SNTG1: variants seen among roughly 807,000 people sequenced by gnomAD.
The protein encoded by SNTG1 is gamma-1-syntrophin.
In SNTG1, 39 loss-of-function variants were observed where a neutral mutation model predicts 74.7. The observed-to-expected ratio is 0.52, with a 90% CI of 0.40 to 0.68. The LOEUF (loss-of-function observed/expected upper bound fraction) is 0.68, where lower values mean the gene tolerates loss of function less well. Among genes scored for constraint, SNTG1 ranks in the 30% least tolerant of loss-of-function variants. SNTG1 has a pLI of 0.00. For missense variants in SNTG1, 685 were observed against 609.5 expected, an observed-to-expected ratio of 1.12 and a Z score of -1.30; for synonymous variants, 254 against 217.1, an observed-to-expected ratio of 1.17 and a Z score of -1.49.
At chr8:50,548,616 G>T (rs146380575) in intron 11 of SNTG1, among the ~76,000 whole-genome samples, 1 of 129,918 alleles carries the variant, frequency 7.7e-6, no homozygotes, top group Non-Finnish European at 1.5e-5. Flanking sequence ...CCTTCAAGGA[G>T]CTAGCAGCTT....
intron 1 of SNTG1, among the ~76,000 whole-genome samples, chr8:49,932,611 C>T (rs911284347): frequency 1.5e-4 from 23 of 151,466 alleles, no homozygotes; most frequent in Non-Finnish European, 1.6e-4. Context: ...TTTTAAAATA[C>T]ATTGAGATAT....
In SNTG1 at chr8:49,995,192, A is replaced by T. The variant is rs531204098; in HGVS notation, c.-103+82961A>T. ...ATCCTGAACTCTGGTGAAGAGTTCA[A>T]CATTAAGATTGGCAAGGCCACTCAA... On this transcript the variant is annotated intron_variant, in intron 1 of 18. Coordinates refer to ENST00000642720, the MANE Select transcript of SNTG1 (RefSeq NM_018967.5). Among the ~76,000 whole-genome samples, 303 of 152,324 alleles carry T rather than the reference A, an allele frequency of 2.0e-3. 3 individuals are homozygous for T. Among genetic ancestry groups the T allele is most frequent in the African/African-American group, 7.0e-3 (290 of 41,576 alleles).
At chr8:49,921,134 A>T (rs912533557) in intron 1 of SNTG1, among the ~76,000 whole-genome samples, 1 of 152,140 alleles carries the variant, frequency 6.6e-6, no homozygotes, top group Non-Finnish European at 1.5e-5. Flanking sequence ...TGCTAAAGCT[A>T]TGAAAATTTA....
intron 1 of SNTG1, among the ~76,000 whole-genome samples, chr8:50,069,574 T>C (rs1821180282): frequency 7.2e-6 from 1 of 137,984 alleles, no homozygotes; most frequent in Non-Finnish European, 1.5e-5. Context: ...GGCAGTGAGA[T>C]TGGGAGGAAT....
intron 9 of SNTG1, among the ~76,000 whole-genome samples, chr8:50,513,558 C>T (rs902205060): frequency 6.6e-6 from 1 of 152,232 alleles, no homozygotes; most frequent in Non-Finnish European, 1.5e-5. Context: ...CTGCGGTGGG[C>T]TCCACCCAGT....
chr8:49,976,197 T>G (rs974725737), intron 1 of SNTG1, among the ~76,000 whole-genome samples: 1 of 152,164 alleles, frequency 6.6e-6, no homozygotes, highest in African/African-American at 2.4e-5. Flanking sequence ...AAGCAAGGCC[T>G]GATGTGAAGG....
chr8:50,542,717 A>G (rs1478961837), intron 11 of SNTG1, among the ~76,000 whole-genome samples: 1 of 152,194 alleles, frequency 6.6e-6, no homozygotes, highest in African/African-American at 2.4e-5. Context: ...CCAACAGTGC[A>G]TAAGGATTCC....
intron 11 of SNTG1, among the ~76,000 whole-genome samples, chr8:50,549,402 CAAGT>C (rs1310736261): frequency 6.6e-6 from 1 of 152,052 alleles, no homozygotes; most frequent in African/African-American, 2.4e-5. Flanking sequence ...ATAATGAAAT[CAAGT>C]AAATGAGTCA....
chr8:50,551,064 T>C (rs893461767), intron 11 of SNTG1, among the ~76,000 whole-genome samples: 2 of 152,096 alleles, frequency 1.3e-5, no homozygotes, highest in Non-Finnish European at 2.9e-5. Context: ...AGAAAATACT[T>C]GTTAAATCTG....
intron 13 of SNTG1, among the ~76,000 whole-genome samples, chr8:50,633,826 A>T (rs1446376785): frequency 1.3e-5 from 2 of 152,158 alleles, no homozygotes; most frequent in African/African-American, 4.8e-5. Context: ...AAGTGTTCAC[A>T]GTGTAGGAGA....
intron 1 of SNTG1, among the ~76,000 whole-genome samples, chr8:50,046,399 G>A (rs914046623): frequency 1.3e-5 from 2 of 152,182 alleles, no homozygotes; most frequent in East Asian, 3.9e-4. Context: ...TATTCTTTCT[G>A]AAAATTACCT....
At chr8:50,338,681 G>GA (rs1173716656) in intron 2 of SNTG1, among the ~76,000 whole-genome samples, 10 of 151,730 alleles carry the variant, frequency 6.6e-5, no homozygotes, top group African/African-American at 2.4e-5. Flanking sequence ...TACAGCTAAG[G>GA]AAAAAAATAG....
At chr8:50,298,136 AAACTTT>A (rs1449258059) in intron 2 of SNTG1, among the ~76,000 whole-genome samples, 1 of 152,076 alleles carries the variant, frequency 6.6e-6, no homozygotes, top group Non-Finnish European at 1.5e-5. Context: ...AACGGCAATG[AAACTTT>A]TCTTATCTCC....
intron 2 of SNTG1, among the ~76,000 whole-genome samples, chr8:50,173,209 G>A (rs185319602): frequency 6.6e-6 from 1 of 152,332 alleles, no homozygotes; most frequent in Admixed American, 6.5e-5. Flanking sequence ...GTGTGAGTCA[G>A]CATGGGTGAT....
intron 2 of SNTG1, among the ~76,000 whole-genome samples, chr8:50,331,579 G>A (rs1362037825): frequency 6.6e-6 from 1 of 152,086 alleles, no homozygotes; most frequent in Non-Finnish European, 1.5e-5. Context: ...GAAGCCATTG[G>A]CAATATTCAA....
At chr8:50,723,988 C>T (rs548329860) in intron 17 of SNTG1, among the ~76,000 whole-genome samples, 1 of 152,114 alleles carries the variant, frequency 6.6e-6, no homozygotes. Context: ...AAGGGCTTTG[C>T]TATTTGCTTT....
chr8:50,671,321 T>G (rs1170968050), intron 15 of SNTG1, among the ~76,000 whole-genome samples: 2 of 151,706 alleles, frequency 1.3e-5, no homozygotes, highest in Non-Finnish European at 2.9e-5. Context: ...ATCCAGAATC[T>G]ACAATGAACT....
chr8:50,645,640 CA>C (rs2095104319), intron 13 of SNTG1, among the ~76,000 whole-genome samples: 1 of 152,104 alleles, frequency 6.6e-6, no homozygotes, highest in Non-Finnish European at 1.5e-5. Context: ...AATAAAATAA[CA>C]GGTACAATTT....
Position 50,292,576 on chromosome 8 carries a change from G to A in SNTG1, c.-27-101636G>A, listed in dbSNP as rs372822696. Among the ~76,000 whole-genome samples, 12 of 152,166 alleles carry A rather than the reference G, an allele frequency of 7.9e-5. No homozygotes were observed. In the South Asian group the frequency reaches 1.5e-3, roughly 18 times the overall value. ...CCTGTGAGGGATGACTGTGTCTGGCGCCCAGATGGTCACTATGGAAAGAGA... is the reference window on the plus strand; with the variant it reads ...CCTGTGAGGGATGACTGTGTCTGGCACCCAGATGGTCACTATGGAAAGAGA... On this transcript the variant is annotated intron_variant, in intron 2 of 18. Transcript: ENST00000642720.
Sources: gnomAD v4.1 joint callset for allele counts (sites outside exome capture counted in the v4.1 genomes callset) on GRCh38, gnomAD v4.1.1 for gene constraint, MANE v1.5 for transcripts, NCBI Gene and HGNC (gene_info 2026-07-23, HGNC 2026-07-21) for gene names.